Variants in DENND4C observed in about 807,000 individuals in gnomAD.
The protein encoded by DENND4C is DENN domain-containing protein 4C.
DENND4C carries 108 observed loss-of-function variants against 203.0 expected under a neutral mutation model. The observed-to-expected ratio is 0.53, with a 90% CI of 0.46 to 0.62. The LOEUF (loss-of-function observed/expected upper bound fraction) is 0.62, where lower values mean the gene tolerates loss of function less well. Ranked by LOEUF, DENND4C falls within the 20% of genes least tolerant of loss-of-function variation. The pLI, the probability that DENND4C is intolerant of heterozygous loss-of-function variation, is 0.00. For synonymous variants in DENND4C, 871 were observed against 792.4 expected, an observed-to-expected ratio of 1.10 and a Z score of -1.67; for missense variants, 2,481 against 2,301.2, an observed-to-expected ratio of 1.08 and a Z score of -1.60.
intron 23 of DENND4C, 34 bp downstream of exon 23, chr9:19,347,120 A>T (rs756698662): frequency 6.4e-7 from 1 of 1,553,130 alleles, no homozygotes; most frequent in East Asian, 2.3e-5. Context: ...TCTGTCTGCT[A>T]TTGGAGTGTT....
At chr9:19,232,061 T>C (rs1820704998) in intron 1 of DENND4C, among the ~76,000 whole-genome samples, 1 of 152,206 alleles carries the variant, frequency 6.6e-6, no homozygotes. Flanking sequence ...AAAGGAAGTT[T>C]TCATCTTTGA....
At chr9:19,273,535 G>A (rs1452331276) in intron 1 of DENND4C, among the ~76,000 whole-genome samples, 1 of 151,974 alleles carries the variant, frequency 6.6e-6, no homozygotes, top group East Asian at 1.9e-4. Context: ...CAAAGCATAT[G>A]TCTGATAGAT....
rs756967390 is a variant in DENND4C at position 19,316,695 on chromosome 9, A to G, written c.1663A>G (p.Met555Val). 1.9e-6 allele frequency: 3 copies of G among 1,614,114 alleles called. No individual in the cohort carries two copies. The South Asian group carries it at 3.3e-5, about 18-fold the overall frequency. The part of the protein sequence containing the change: ...IEADFSWQKK[M>V]TQLEMEIQEA... ...AGCAGATTTCTCCTGGCAAAAGAAG[A>G]TGACACAGCTTGAGATGGAAATTCA... The change falls in exon 12 of 33, where the codon ATG becomes GTG. Residue 555 changes from methionine to valine, a missense_variant. This residue lies in a region of DENND4C where 2,289 missense variants were observed against 2,113.3 expected (regional missense o/e 1.08). Coordinates refer to ENST00000434457, the MANE Select transcript of DENND4C (RefSeq NM_001330640.2).
At chr9:19,275,357 A>G (rs1832684191) in intron 1 of DENND4C, among the ~76,000 whole-genome samples, 2 of 139,808 alleles carry the variant, frequency 1.4e-5, no homozygotes, top group Middle Eastern at 4.7e-3. Context: ...CAGTGGCGCA[A>G]TTTGGGCTCA....
chr9:19,310,658 A>G (rs187037528), intron 10 of DENND4C, among the ~76,000 whole-genome samples: 2 of 152,326 alleles, frequency 1.3e-5, no homozygotes, highest in African/African-American at 2.4e-5. Flanking sequence ...TTAAATCATA[A>G]GTAGATACTG....
At chr9:19,270,038 G>A (rs1339282294) in intron 1 of DENND4C, among the ~76,000 whole-genome samples, 1 of 152,200 alleles carries the variant, frequency 6.6e-6, no homozygotes, top group Non-Finnish European at 1.5e-5. Context: ...TGGCCTTAGT[G>A]GTCTTGGGTA....
At chr9:19,319,678 C>G (rs1439734609) in intron 12 of DENND4C, among the ~76,000 whole-genome samples, 1 of 151,870 alleles carries the variant, frequency 6.6e-6, no homozygotes, top group African/African-American at 2.4e-5. Context: ...GATACTTACT[C>G]AGTTTCTAGG....
At chr9:19,322,090 G>T (rs1273503835) in intron 12 of DENND4C, among the ~76,000 whole-genome samples, 1 of 152,142 alleles carries the variant, frequency 6.6e-6, no homozygotes, top group Non-Finnish European at 1.5e-5. Context: ...GGGGTGCGGA[G>T]GGGGCACAAA....
At chr9:19,239,723 G>T (rs1188689366) in intron 1 of DENND4C, among the ~76,000 whole-genome samples, 5 of 152,124 alleles carry the variant, frequency 3.3e-5, no homozygotes, top group African/African-American at 7.2e-5. Flanking sequence ...TTGACCTGAG[G>T]TGTACGCCTG....
chr9:19,263,418 A>T (rs557146068), intron 1 of DENND4C, among the ~76,000 whole-genome samples: 1 of 152,132 alleles, frequency 6.6e-6, no homozygotes, highest in Non-Finnish European at 1.5e-5. Context: ...GTGCAATGGC[A>T]TGATCTCGGC....
chr9:19,243,259 G>T (rs1824225703), intron 1 of DENND4C, among the ~76,000 whole-genome samples: 1 of 152,074 alleles, frequency 6.6e-6, no homozygotes, highest in African/African-American at 2.4e-5. Context: ...GTGATCTTTT[G>T]TAACTGGCTT....
intron 10 of DENND4C, among the ~76,000 whole-genome samples, 192 bp downstream of exon 10, chr9:19,305,719 T>A (rs746471694): frequency 3.8e-4 from 58 of 152,326 alleles, no homozygotes; most frequent in Non-Finnish European, 6.6e-4. Flanking sequence ...AAATGTTCAG[T>A]ATTATAATAG....
chr9:19,316,655 C>T lies in DENND4C; in HGVS notation c.1623C>T (p.Asp541=), dbSNP rs143882943. The change falls in exon 12 of 33, where the codon GAC becomes GAT. Residue 541 remains aspartate, a synonymous_variant. Transcript: ENST00000434457. ...HQKTQEGSAI[D]MTPIEADFSW... is the part of the protein sequence containing the mutation. Reference sequence around the variant, plus strand: ...AAACTCAAGAAGGCTCAGCGATTGACATGACTCCAATTGAAGCAGATTTCT... The same window carrying T: ...AAACTCAAGAAGGCTCAGCGATTGATATGACTCCAATTGAAGCAGATTTCT... The T allele has an allele frequency of 3.1e-5, 50 of 1,614,090 alleles. No homozygotes were observed. The South Asian group carries it at 5.2e-4, about 17-fold the overall frequency.
intron 10 of DENND4C, among the ~76,000 whole-genome samples, chr9:19,311,104 T>C (rs1351182222): frequency 6.6e-6 from 1 of 152,140 alleles, no homozygotes; most frequent in African/African-American, 2.4e-5. Flanking sequence ...CATTAAAGTT[T>C]GTCTTTTGAA....
chr9:19,314,250 C>T (rs752752348), intron 10 of DENND4C, among the ~76,000 whole-genome samples: 35 of 151,940 alleles, frequency 2.3e-4, no homozygotes, highest in Non-Finnish European at 3.5e-4. Context: ...GTCAGGAGAT[C>T]GAGACCATCC....
intron 12 of DENND4C, among the ~76,000 whole-genome samples, 179 bp downstream of exon 12, chr9:19,317,018 A>T (rs889108216): frequency 1.3e-5 from 2 of 151,962 alleles, no homozygotes; most frequent in African/African-American, 4.8e-5. Context: ...TTTATAGCCC[A>T]TTTTTCTCCT....
rs1793213736 is a variant in DENND4C at position 19,346,978 on chromosome 9, C to T, written c.4209C>T (p.Leu1403=). The T allele has an allele frequency of 6.2e-7, 1 of 1,614,146 alleles. No homozygotes were observed. The highest frequency in any genetic ancestry group is 1.3e-5 in the African/African-American group (1 of 75,028). ...CAGGGCTAAAGCTGGATAATATACT[C>T]TCAGGGCCCAAGATAGATGTCCTGA... ...SLSGLKLDNI[L]SGPKIDVLKS... The change falls in exon 23 of 33, where the codon CTC becomes CTT. Residue 1403 remains leucine, a synonymous_variant. Coordinates refer to ENST00000434457, the MANE Select transcript of DENND4C (RefSeq NM_001330640.2).
At chr9:19,272,860 C>T (rs973063508) in intron 1 of DENND4C, among the ~76,000 whole-genome samples, 28 of 151,810 alleles carry the variant, frequency 1.8e-4, no homozygotes, top group African/African-American at 5.3e-4. Flanking sequence ...CTCTGCCTCC[C>T]GGGTTCAAGT....
At chr9:19,366,592 ACT>A (rs150725235) in intron 30 of DENND4C, among the ~76,000 whole-genome samples, 17,515 of 152,062 alleles carry the variant, frequency 0.12, 1,300 homozygotes, top group African/African-American at 0.2. Context: ...CAACAGAGTG[ACT>A]CTGTCTCAAA....
Sources: allele counts gnomAD v4.1 joint callset (sites outside exome capture counted in the v4.1 genomes callset), GRCh38; gene constraint gnomAD v4.1.1; regional missense constraint gnomAD v4.1.1; transcripts MANE v1.5; gene names NCBI Gene and HGNC (gene_info 2026-07-23, HGNC 2026-07-21).